Variants in ITGB8 observed in about 807,000 individuals in gnomAD.
ITGB8 encodes integrin beta-8.
Under a neutral mutation model 89.5 loss-of-function variants are expected in ITGB8, and 30 were observed. The ratio of observed to expected loss-of-function variants is 0.34; its 90% CI spans 0.25 to 0.45. ITGB8 has a LOEUF of 0.45. Among genes scored for constraint, ITGB8 ranks in the 20% least tolerant of loss-of-function variants. The probability of loss-of-function intolerance (pLI) is 1.00; values close to 1 mark genes in which losing one functional copy is unlikely to be tolerated. For synonymous variants in ITGB8, 335 were observed against 320.4 expected (o/e 1.05, Z -0.49); for missense variants, 836 against 933.3 (o/e 0.90, Z 1.36).
Position 20,353,927 on chromosome 7 carries a change from G to A in ITGB8, c.128-9710G>A, listed in dbSNP as rs1331913417. Among the ~76,000 whole-genome samples, 22 of 30,784 alleles carry A rather than the reference G, an allele frequency of 7.1e-4. No individual in the cohort carries two copies. In the East Asian group the frequency reaches 0.013, roughly 18 times the overall value. 20.2% of individuals were successfully genotyped at this position (30,784 alleles called of 152,430 possible). A position where few individuals can be genotyped will look rare whatever the true frequency, so the allele number is the denominator to read the frequency against. ...AGCCTGGGCGACAGAGCGAGACTCC[G>A]TCTCAAAAAAAAAAAAAAAAAAAAA... On this transcript the variant is annotated intron_variant, in intron 1 of 13. Coordinates refer to ENST00000222573, the MANE Select transcript of ITGB8 (RefSeq NM_002214.3).
At chr7:20,385,479 G>C (rs1402115375) in intron 6 of ITGB8, among the ~76,000 whole-genome samples, 2 of 152,082 alleles carry the variant, frequency 1.3e-5, no homozygotes, top group Non-Finnish European at 2.9e-5. Flanking sequence ...CCTTACTGCT[G>C]GCTTCATAGT....
intron 1 of ITGB8, among the ~76,000 whole-genome samples, chr7:20,335,131 C>A (rs1784533692): frequency 6.6e-6 from 1 of 152,132 alleles, no homozygotes; most frequent in African/African-American, 2.4e-5. Context: ...TTTTTCATAT[C>A]ATTTTATTTT....
chr7:20,379,747 T>C (rs1488731539), intron 4 of ITGB8: 1 of 152,228 alleles, frequency 6.6e-6, no homozygotes, highest in Non-Finnish European at 1.5e-5. Context: ...CTGGGGATAA[T>C]GATGTTGTCT....
rs555687051 is a variant in ITGB8 at position 20,331,517 on chromosome 7, C to A, written c.-290C>A. 2 of 437,566 alleles carry A rather than the reference C, an allele frequency of 4.6e-6. No homozygotes were observed. The highest frequency in any genetic ancestry group is 7.9e-6 in the Non-Finnish European group (2 of 252,112). 27.1% of individuals were successfully genotyped at this position (437,566 alleles called of 1,614,324 possible). ...GCAGGCTGCGGAGCCCTTGCAGAGC[C>A]CTCTCTCCAGTCGCCGCCGGGGCCC... On this transcript the variant is annotated 5_prime_UTR_variant, in exon 1 of 14. Coordinates refer to ENST00000222573, the MANE Select transcript of ITGB8 (RefSeq NM_002214.3).
chr7:20,412,901 A>G lies in ITGB8; in HGVS notation c.*2904A>G, dbSNP rs750525731. On this transcript the variant is annotated 3_prime_UTR_variant, in exon 14 of 14. Transcript: ENST00000222573. The stretch of plus-strand genomic sequence containing the variant: ...CTAATATGGCCACAGGAGCCTTTTG[A>G]GATTCATTGATATTAAACACAATTA... 1 of 152,592 alleles carries G rather than the reference A, an allele frequency of 6.6e-6. No individual in the cohort carries two copies. Among genetic ancestry groups the G allele is most frequent in the Non-Finnish European group, 1.5e-5 (1 of 68,012 alleles). 9.5% of individuals were successfully genotyped at this position (152,592 alleles called of 1,614,324 possible). A position where few individuals can be genotyped will look rare whatever the true frequency, so the allele number is the denominator to read the frequency against.
At chr7:20,332,640 CT>C (rs1337639068) in intron 1 of ITGB8, among the ~76,000 whole-genome samples, 1 of 152,198 alleles carries the variant, frequency 6.6e-6, no homozygotes, top group Non-Finnish European at 1.5e-5. Context: ...GAGGTTAACT[CT>C]TTACGAAATG....
chr7:20,357,609 G>T (rs1785343169), intron 1 of ITGB8, among the ~76,000 whole-genome samples: 2 of 152,184 alleles, frequency 1.3e-5, no homozygotes, highest in Non-Finnish European at 2.9e-5. Context: ...TGAGCACTCT[G>T]TTGGGATGCT....
intron 12 of ITGB8, 84 bp from the exon 13 acceptor site, chr7:20,409,531 G>A: frequency 1.2e-6 from 1 of 838,852 alleles, no homozygotes; most frequent in Non-Finnish European, 1.8e-6. Flanking sequence ...ACTATTAATT[G>A]AAGTGTGAAC....
intron 3 of ITGB8, among the ~76,000 whole-genome samples, chr7:20,375,153 T>G (rs1323425984): frequency 3.3e-5 from 5 of 152,132 alleles, no homozygotes; most frequent in Non-Finnish European, 7.3e-5. Flanking sequence ...TTGAACATAG[T>G]GTCGAAATTA....
At chr7:20,379,474 G>T in intron 4 of ITGB8, 177 bp downstream of exon 4, 1 of 293,168 alleles carries the variant, frequency 3.4e-6, no homozygotes, top group Non-Finnish European at 6.1e-6. Context: ...ATGAACTGTA[G>T]ATTGGGCTTT....
At chr7:20,345,241 A>C (rs1784884244) in intron 1 of ITGB8, among the ~76,000 whole-genome samples, 1 of 152,202 alleles carries the variant, frequency 6.6e-6, no homozygotes, top group African/African-American at 2.4e-5. Context: ...TAAATTCTAT[A>C]ATTTTAAAAT....
chr7:20,363,377 A>G (rs1484668470), intron 1 of ITGB8, among the ~76,000 whole-genome samples: 1 of 152,154 alleles, frequency 6.6e-6, no homozygotes, highest in Admixed American at 6.6e-5. Context: ...CCCAAACCTG[A>G]CCAAAATCAG....
At chr7:20,398,539 A>G (rs907129707) in intron 8 of ITGB8, among the ~76,000 whole-genome samples, 1 of 152,242 alleles carries the variant, frequency 6.6e-6, no homozygotes, top group African/African-American at 2.4e-5. Context: ...ATCATAAAAT[A>G]TAGTTATTAC....
At chr7:20,400,813 A>C (rs185478230) in intron 9 of ITGB8, among the ~76,000 whole-genome samples, 32 of 152,238 alleles carry the variant, frequency 2.1e-4, no homozygotes, top group Middle Eastern at 3.4e-3. Flanking sequence ...AGAGTCCTAA[A>C]CATTTTTCTT....
chr7:20,346,500 G>A (rs1028419217), intron 1 of ITGB8: 2 of 154,086 alleles, frequency 1.3e-5, no homozygotes, highest in African/African-American at 4.8e-5. Context: ...GGATAAGTGA[G>A]ATTAGTCTTT....
At chr7:20,332,280 A>G (rs768702947) in intron 1 of ITGB8, among the ~76,000 whole-genome samples, 1 of 152,218 alleles carries the variant, frequency 6.6e-6, no homozygotes, top group African/African-American at 2.4e-5. Flanking sequence ...TCTGTACACA[A>G]TGTTCTCCCT....
intron 1 of ITGB8, among the ~76,000 whole-genome samples, chr7:20,361,891 G>A (rs1785515945): frequency 6.6e-6 from 1 of 152,116 alleles, no homozygotes; most frequent in African/African-American, 2.4e-5. Context: ...TGAGTTCCAG[G>A]CCAGGTCTAG....
intron 1 of ITGB8, among the ~76,000 whole-genome samples, chr7:20,343,477 T>C (rs1480123182): frequency 1.3e-5 from 2 of 152,222 alleles, no homozygotes; most frequent in African/African-American, 2.4e-5. Context: ...TTCTGTCTTA[T>C]GTCAGGTTTT....
In ITGB8 at chr7:20,362,658, G is replaced by A. The variant is rs913250980; in HGVS notation, c.128-979G>A. ...TCTTGTCTGTGATCCACCTATATCC[G>A]GGATGTCCCTTTTGTTTACTTTGAG... On this transcript the variant is annotated intron_variant, in intron 1 of 13. Transcript: ENST00000222573. Among the ~76,000 whole-genome samples, 4 of 152,124 alleles carry A rather than the reference G, an allele frequency of 2.6e-5. No homozygotes were observed. In the East Asian group the frequency reaches 5.8e-4, roughly 22 times the overall value.
Sources: allele counts gnomAD v4.1 joint callset (sites outside exome capture counted in the v4.1 genomes callset), GRCh38; gene constraint gnomAD v4.1.1; transcripts MANE v1.5; gene names NCBI Gene and HGNC (gene_info 2026-07-23, HGNC 2026-07-21).